The following PDE6D variants were observed in gnomAD, a reference collection of about 807,000 sequenced individuals.
PDE6D encodes phosphodiesterase 6D, also known as retinal rod rhodopsin-sensitive cGMP 3',5'-cyclic phosphodiesterase subunit delta.
PDE6D carries 10 observed loss-of-function variants against 21.9 expected under a neutral mutation model. The observed-to-expected ratio is 0.46, with a 90% CI of 0.28 to 0.78. The LOEUF (loss-of-function observed/expected upper bound fraction) is 0.78. Among genes scored for constraint, PDE6D ranks in the 30% least tolerant of loss-of-function variants. PDE6D has a pLI of 0.12. For missense variants in PDE6D, 139 were observed against 184.8 expected (o/e 0.75, Z 1.44); for synonymous variants, 59 against 63.5 (o/e 0.93, Z 0.34).
At chr2:231,774,407 T>G (rs1230156205) in intron 1 of PDE6D, among the ~76,000 whole-genome samples, 4 of 152,124 alleles carry the variant, frequency 2.6e-5, no homozygotes, top group Admixed American at 6.6e-5. Context: ...AGAGTCACAA[T>G]AGCAGAGGCA....
intron 1 of PDE6D, among the ~76,000 whole-genome samples, chr2:231,772,010 C>A (rs920370865): frequency 1.1e-4 from 16 of 152,150 alleles, no homozygotes; most frequent in African/African-American, 3.9e-4. Context: ...TGTCTTTTTT[C>A]AGGTAATTCT....
At chr2:231,749,452 G>A (rs991475479) in intron 1 of PDE6D, among the ~76,000 whole-genome samples, 10 of 151,558 alleles carry the variant, frequency 6.6e-5, no homozygotes, top group African/African-American at 2.4e-4. Context: ...GATTTTACAG[G>A]CTCATAGGCG....
chr2:231,748,086 T>C (rs2048809026), intron 1 of PDE6D, among the ~76,000 whole-genome samples: 1 of 151,990 alleles, frequency 6.6e-6, no homozygotes, highest in African/African-American at 2.4e-5. Flanking sequence ...TACCAGTAGA[T>C]TGGGGGCGTT....
chr2:231,755,932 A>T (rs2048879602), intron 1 of PDE6D, among the ~76,000 whole-genome samples: 1 of 151,894 alleles, frequency 6.6e-6, no homozygotes, highest in Non-Finnish European at 1.5e-5. Flanking sequence ...AAAAAAAAAA[A>T]TTATATATAT....
intron 1 of PDE6D, among the ~76,000 whole-genome samples, chr2:231,778,531 GGCTAAAGCATAAT>G (rs1395007678): frequency 6.6e-6 from 1 of 152,138 alleles, no homozygotes; most frequent in Non-Finnish European, 1.5e-5. Flanking sequence ...GAATAACACT[GGCTAAAGCATAAT>G]GCTCACTGTG....
chr2:231,752,836 T>G (rs1233358781), intron 1 of PDE6D, among the ~76,000 whole-genome samples: 1 of 144,996 alleles, frequency 6.9e-6, no homozygotes, highest in Non-Finnish European at 1.5e-5. Context: ...TTTGAGTTTT[T>G]TTTTTTTTTT....
chr2:231,734,172 C>T (rs2048676242), intron 4 of PDE6D, among the ~76,000 whole-genome samples: 1 of 151,736 alleles, frequency 6.6e-6, no homozygotes. Flanking sequence ...CGAGATCACG[C>T]CACTGCACTC....
chr2:231,769,838 G>A (rs1231558943), intron 1 of PDE6D, among the ~76,000 whole-genome samples: 1 of 152,058 alleles, frequency 6.6e-6, no homozygotes, highest in Non-Finnish European at 1.5e-5. Flanking sequence ...AATACTTAAG[G>A]GGCCTTTGAA....
chr2:231,761,993 T>C (rs1462934306), intron 1 of PDE6D, among the ~76,000 whole-genome samples: 1 of 152,160 alleles, frequency 6.6e-6, no homozygotes, highest in East Asian at 1.9e-4. Context: ...AGGGAACTGA[T>C]GACAGGGTGA....
At chr2:231,767,701 C>A (rs1031261205) in intron 1 of PDE6D, among the ~76,000 whole-genome samples, 1 of 152,110 alleles carries the variant, frequency 6.6e-6, no homozygotes, top group African/African-American at 2.4e-5. Context: ...TTCTATCTAC[C>A]CACTCAAGCT....
chr2:231,756,828 A>C (rs2048886370), intron 1 of PDE6D, among the ~76,000 whole-genome samples: 1 of 151,892 alleles, frequency 6.6e-6, no homozygotes, highest in Non-Finnish European at 1.5e-5. Flanking sequence ...CCTGTGGTGA[A>C]GCATCTTCTG....
chr2:231,744,502 C>T (rs908118391), intron 1 of PDE6D, among the ~76,000 whole-genome samples: 9 of 149,696 alleles, frequency 6.0e-5, no homozygotes, highest in Non-Finnish European at 1.2e-4. Context: ...GGCACGATCT[C>T]GGCTCACCAC....
intron 1 of PDE6D, among the ~76,000 whole-genome samples, chr2:231,742,904 G>A (rs2048761516): frequency 6.6e-6 from 1 of 152,188 alleles, no homozygotes; most frequent in African/African-American, 2.4e-5. Flanking sequence ...TCTTCAGGGT[G>A]GGGGCAGCAG....
chr2:231,745,581 G>A (rs146504381), intron 1 of PDE6D, among the ~76,000 whole-genome samples: 2 of 152,154 alleles, frequency 1.3e-5, no homozygotes, highest in African/African-American at 4.8e-5. Context: ...AGAGGAGATC[G>A]GGCTCTGGTA....
At chr2:231,770,402 C>T (rs943987633) in intron 1 of PDE6D, among the ~76,000 whole-genome samples, 1 of 152,064 alleles carries the variant, frequency 6.6e-6, no homozygotes, top group Admixed American at 6.6e-5. Context: ...AATTCATTAT[C>T]CTGGGCTAAA....
chr2:231,765,728 G>A (rs1358256238), intron 1 of PDE6D, among the ~76,000 whole-genome samples: 1 of 152,142 alleles, frequency 6.6e-6, no homozygotes, highest in Admixed American at 6.6e-5. Context: ...TTTCTATTTG[G>A]TGGTATCCTG....
intron 1 of PDE6D, among the ~76,000 whole-genome samples, chr2:231,775,217 TTTTTAA>T (rs943282276): frequency 1.1e-4 from 17 of 151,802 alleles, no homozygotes; most frequent in Non-Finnish European, 8.8e-5. Flanking sequence ...CCTGGCCTAA[TTTTTAA>T]TTTTATTTTC....
At chr2:231,733,636 TAGC>T (rs2048669766) in intron 4 of PDE6D, among the ~76,000 whole-genome samples, 1 of 152,186 alleles carries the variant, frequency 6.6e-6, no homozygotes, top group Non-Finnish European at 1.5e-5. Flanking sequence ...ATCCTTCCTG[TAGC>T]TTCTCCTTGA....
chr2:231,760,211 T>C (rs1282913443), intron 1 of PDE6D, among the ~76,000 whole-genome samples: 2 of 152,180 alleles, frequency 1.3e-5, no homozygotes, highest in Admixed American at 6.5e-5. Context: ...TACCAAGATA[T>C]GGAAAGAATT....
Sources: allele counts gnomAD v4.1 joint callset (sites outside exome capture counted in the v4.1 genomes callset), GRCh38; gene constraint gnomAD v4.1.1; transcripts MANE v1.5; gene names NCBI Gene and HGNC (gene_info 2026-07-23, HGNC 2026-07-21).